Variants in ENDOG observed in about 807,000 individuals in gnomAD.
The protein encoded by ENDOG is endonuclease G.
ENDOG carries 22 observed loss-of-function variants against 22.6 expected under a neutral mutation model. The ratio of observed to expected loss-of-function variants is 0.97; its 90% CI spans 0.70 to 1.39. The LOEUF (loss-of-function observed/expected upper bound fraction) is 1.39. Among genes scored for constraint, ENDOG ranks in the 40% most tolerant of loss-of-function variants. The probability of loss-of-function intolerance (pLI) is 0.00; values close to 1 mark genes in which losing one functional copy is unlikely to be tolerated. For synonymous variants in ENDOG, 173 were observed against 200.2 expected, an observed-to-expected ratio of 0.86 and a Z score of 1.15; for missense variants, 403 against 431.3, an observed-to-expected ratio of 0.93 and a Z score of 0.58.
Position 128,819,185 on chromosome 9 carries a change from G to A in ENDOG, c.501G>A (p.Gln167=). 1 of 1,475,528 alleles carries A rather than the reference G, an allele frequency of 6.8e-7. No individual in the cohort carries two copies. 91.4% of individuals were successfully genotyped at this position (1,475,528 alleles called of 1,614,324 possible). The change falls in exon 1 of 3, where the codon CAG becomes CAA. Residue 167 remains glutamine (Q), a splice_region_variant and synonymous_variant. Transcript: ENST00000372642. ...DTFYLSNVAP[Q]VPHLNQNAWN... Reference sequence around the variant, plus strand: ...TCTACCTGAGCAACGTCGCGCCCCAGGTAGCGCCCGCGCCCCGGGCCGGTC... The same window carrying A: ...TCTACCTGAGCAACGTCGCGCCCCAAGTAGCGCCCGCGCCCCGGGCCGGTC...
chr9:128,819,008 C>T lies in ENDOG; in HGVS notation c.324C>T (p.Gly108=). ...GACCCGAGCGTCTCCGCGGCGACGG[C>T]GACCGGCGCGAGTGCGACTTCCGCG... The part of the protein sequence containing the change: ...QLRPERLRGD[G]DRRECDFRED... The change falls in exon 1 of 3, where the codon GGC becomes GGT. Residue 108 remains glycine, a synonymous_variant. Coordinates refer to ENST00000372642, the MANE Select transcript of ENDOG (RefSeq NM_004435.2). The T allele has an allele frequency of 6.7e-7, 1 of 1,483,206 alleles. No homozygotes were observed. The highest frequency in any genetic ancestry group is 8.9e-7 in the Non-Finnish European group (1 of 1,124,890). 91.9% of individuals were successfully genotyped at this position (1,483,206 alleles called of 1,614,324 possible).
intron 2 of ENDOG, chr9:128,821,844 G>A (rs962280240): frequency 2.8e-5 from 5 of 176,734 alleles, no homozygotes; most frequent in Admixed American, 5.4e-5. Flanking sequence ...TGGCCAAGGC[G>A]GTGGTTGGGG....
rs1830049696 is a variant in ENDOG at position 128,818,886 on chromosome 9, G to A, written c.202G>A (p.Gly68Arg). The A allele has an allele frequency of 2.1e-6, 3 of 1,460,880 alleles. No individual in the cohort carries two copies. Among genetic ancestry groups the A allele is most frequent in the Non-Finnish European group, 2.7e-6 (3 of 1,114,256 alleles). 90.5% of individuals were successfully genotyped at this position (1,460,880 alleles called of 1,614,324 possible). A position where few individuals can be genotyped will look rare whatever the true frequency, so the allele number is the denominator to read the frequency against. The change falls in exon 1 of 3, where the codon GGG (glycine) becomes AGG (arginine). Residue 68 changes from glycine (G) to arginine (R), a missense_variant. Gly to Arg is a moderately radical substitution (Grantham distance 125). Transcript: ENST00000372642. ...CGGCCCGGGCGAGCTGGCCAAGTACGGGCTGCCGGGGCTGGCGCAGCTCAA... is the reference window on the plus strand; with the variant it reads ...CGGCCCGGGCGAGCTGGCCAAGTACAGGCTGCCGGGGCTGGCGCAGCTCAA... ...PRGPGELAKY[G>R]LPGLAQLKSR...
In ENDOG at chr9:128,822,489, T is replaced by C; in HGVS notation, c.773T>C (p.Ile258Thr). The change falls in exon 3 of 3, where the codon ATC (isoleucine) becomes ACC (threonine). Residue 258 changes from isoleucine to threonine, a missense_variant. Ile to Thr is a moderately conservative substitution (Grantham distance 89). Coordinates refer to ENST00000372642, the MANE Select transcript of ENDOG (RefSeq NM_004435.2). ...CCCAACGCACCTGTGGATGAGGCCA[T>C]CCCACTGGAGCGCTTCCTGGTGCCC... ...VMPNAPVDEA[I>T]PLERFLVPIE... is the part of the protein sequence containing the mutation. The C allele has an allele frequency of 6.4e-7, 1 of 1,565,258 alleles. No individual in the cohort carries two copies. Among genetic ancestry groups the C allele is most frequent in the South Asian group, 1.2e-5 (1 of 85,420 alleles).
intron 1 of ENDOG, chr9:128,819,721 A>C (rs1000377291): frequency 1.9e-5 from 3 of 155,818 alleles, no homozygotes; most frequent in African/African-American, 7.2e-5. Context: ...AACTCACAGT[A>C]ATGTAGGATC....
rs1589586770 is a variant in ENDOG, at chr9:128,818,911, A to G, written c.227A>G (p.Lys76Arg). ...KYGLPGLAQLKSRESYVLCYD... is the reference protein window; with the variant it reads ...KYGLPGLAQLRSRESYVLCYD... ...GGGCTGCCGGGGCTGGCGCAGCTCA[A>G]GAGCCGCGAGTCGTACGTGCTGTGC... Residue 76 changes from lysine to arginine, a missense_variant, in exon 1 of 3, where the codon AAG becomes AGG. Transcript: ENST00000372642. The G allele has an allele frequency of 6.8e-7, 1 of 1,477,046 alleles. No individual in the cohort carries two copies. Among genetic ancestry groups the G allele is most frequent in the East Asian group, 3.0e-5 (1 of 33,738 alleles). The allele number at this position is 1,477,046 out of a possible 1,614,324, so 91.5% of individuals were successfully genotyped here.
Position 128,822,561 on chromosome 9 carries a change from T to A in ENDOG, c.845T>A (p.Ile282Asn). The A allele has an allele frequency of 6.4e-7, 1 of 1,564,172 alleles. No homozygotes were observed. The highest frequency in any genetic ancestry group is 8.7e-7 in the Non-Finnish European group (1 of 1,154,076). The change falls in exon 3 of 3, where the codon ATC becomes AAC. Residue 282 changes from isoleucine (I) to asparagine (N), a missense_variant. By Grantham distance (149) the Ile-to-Asn change is moderately radical (BLOSUM62 -3). Coordinates refer to ENST00000372642, the MANE Select transcript of ENDOG (RefSeq NM_004435.2). ...RASGLLFVPN[I>N]LARAGSLKAI... ...TCGGGGCTGCTCTTTGTGCCAAACA[T>A]CCTGGCGCGGGCAGGCAGCCTCAAG...
rs945674769 is a variant in ENDOG, at chr9:128,819,158, G to A, written c.474G>A (p.Thr158=). The A allele has an allele frequency of 4.6e-6, 7 of 1,508,982 alleles. No homozygotes were observed. The highest frequency in any genetic ancestry group is 6.2e-6 in the Non-Finnish European group (7 of 1,132,464). The allele number at this position is 1,508,982 out of a possible 1,614,324, so 93.5% of individuals were successfully genotyped here. A position where few individuals can be genotyped will look rare whatever the true frequency, so the allele number is the denominator to read the frequency against. The change falls in exon 1 of 3, where the codon ACG becomes ACA. Residue 158 remains threonine, a synonymous_variant. Coordinates refer to ENST00000372642, the MANE Select transcript of ENDOG (RefSeq NM_004435.2). ...GGAGCCAGAAGGCCATGGACGACAC[G>A]TTCTACCTGAGCAACGTCGCGCCCC... is the stretch of plus-strand genomic sequence containing the variant. The part of the protein sequence containing the change: ...HRWSQKAMDD[T]FYLSNVAPQV...
chr9:128,819,317 G>A, intron 1 of ENDOG, 132 bp downstream of exon 1: 1 of 1,313,256 alleles, frequency 7.6e-7, no homozygotes, highest in Non-Finnish European at 9.8e-7. Context: ...GTGACATCCC[G>A]TGGCGGGAGG....
chr9:128,822,004 C>G, intron 2 of ENDOG: 2 of 366,462 alleles, frequency 5.5e-6, no homozygotes, highest in Non-Finnish European at 1.0e-5. Context: ...TTGCTCACCT[C>G]TGTGGGGAGA....
intron 1 of ENDOG, 35 bp from the exon 2 acceptor site, chr9:128,820,704 G>A (rs756711819): frequency 2.9e-5 from 46 of 1,569,184 alleles, no homozygotes; most frequent in Middle Eastern, 3.3e-4. Context: ...AAGGGTCCCA[G>A]CCACAGTCCT....
rs1830055781 is a variant in ENDOG, at chr9:128,819,192, C to G, written c.501+7C>G. 1.4e-6 allele frequency: 2 copies of G among 1,468,602 alleles called. No homozygotes were observed. The highest frequency in any genetic ancestry group is 1.8e-6 in the Non-Finnish European group (2 of 1,116,542). The allele number at this position is 1,468,602 out of a possible 1,614,324, so 91.0% of individuals were successfully genotyped here. Reference sequence around the variant, plus strand: ...GAGCAACGTCGCGCCCCAGGTAGCGCCCGCGCCCCGGGCCGGTCGCGGAAT... The same window carrying G: ...GAGCAACGTCGCGCCCCAGGTAGCGGCCGCGCCCCGGGCCGGTCGCGGAAT... On this transcript the variant is annotated splice_region_variant and intron_variant, in intron 1 of 2. Transcript: ENST00000372642.
chr9:128,819,374 T>C (rs1830059550), intron 1 of ENDOG, among the ~76,000 whole-genome samples, 189 bp downstream of exon 1: 1 of 152,342 alleles, frequency 6.6e-6, no homozygotes, highest in East Asian at 1.9e-4. Context: ...CGACCAGGGC[T>C]TGAGCTTCAA....
chr9:128,821,517 A>T (rs1230844210), intron 2 of ENDOG: 1 of 154,446 alleles, frequency 6.5e-6, no homozygotes, highest in Non-Finnish European at 1.4e-5. Flanking sequence ...CGGGAGTTTG[A>T]ATCTAGATCT....
Position 128,818,808 on chromosome 9 carries a change from G to C in ENDOG, c.124G>C (p.Val42Leu), listed in dbSNP as rs1327013077. 53 of 1,278,350 alleles carry C rather than the reference G, an allele frequency of 4.1e-5. No individual in the cohort carries two copies. The highest frequency in any genetic ancestry group is 1.7e-4 in the Admixed American group (4 of 23,262). The allele number at this position is 1,278,350 out of a possible 1,614,324, so 79.2% of individuals were successfully genotyped here. The change falls in exon 1 of 3, where the codon GTG becomes CTG. Residue 42 changes from valine to leucine, a missense_variant. Val to Leu is a conservative substitution (Grantham distance 32, BLOSUM62 1). Transcript: ENST00000372642. Reference sequence around the variant, plus strand: ...GCCGGGACTGCTGGGCCGGCTGCCCGTGCTGCCCGTGGCGGCGGCAGCCGA... The same window carrying C: ...GCCGGGACTGCTGGGCCGGCTGCCCCTGCTGCCCGTGGCGGCGGCAGCCGA... ...AAPGLLGRLP[V>L]LPVAAAAELP...
rs1210098904 is a variant in ENDOG, at chr9:128,822,618, G to A, written c.*8G>A. On this transcript the variant is annotated 3_prime_UTR_variant, in exon 3 of 3. Transcript: ENST00000372642. ...ACGGCGGGCAGTAAGTGAGGGTGGA[G>A]CCCAGTGAGACTGTGGGTGTGTGCA... 6.4e-7 allele frequency: 1 copy of A among 1,565,540 alleles called. No homozygotes were observed. Among genetic ancestry groups the A allele is most frequent in the East Asian group, 2.3e-5 (1 of 42,834 alleles).
rs1830097362 is a variant in ENDOG, at chr9:128,820,817, T to G, written c.580T>G (p.Tyr194Asp). 1 of 1,611,714 alleles carries G rather than the reference T, an allele frequency of 6.2e-7. No individual in the cohort carries two copies. The highest frequency in any genetic ancestry group is 1.3e-5 in the African/African-American group (1 of 74,932). ...RSLTRSYQNV[Y>D]VCTGPLFLPR... ...CTTGACCCGCAGCTACCAAAACGTC[T>G]ATGTCTGCACAGGGCCACTCTTCCT... is the stretch of plus-strand genomic sequence containing the variant. Residue 194 changes from tyrosine to aspartate, a missense_variant, in exon 2 of 3, where the codon TAT becomes GAT. Physicochemically the swap from Tyr to Asp is radical, Grantham distance 160. Transcript: ENST00000372642.
At position 128,818,625 on chromosome 9, in the gene ENDOG, C is replaced by A. The variant is rs1830041949; in HGVS notation, c.-60C>A. ...AGCAGCCCTGTGCCCTCGTTGGATC[C>A]CGCGACGCGGCTCCTTTAAGAGCCT... is the stretch of plus-strand genomic sequence containing the variant. On this transcript the variant is annotated 5_prime_UTR_variant, in exon 1 of 3. Coordinates refer to ENST00000372642, the MANE Select transcript of ENDOG (RefSeq NM_004435.2). 1.8e-6 allele frequency: 2 copies of A among 1,115,046 alleles called. No individual in the cohort carries two copies. Among genetic ancestry groups the A allele is most frequent in the Non-Finnish European group, 2.2e-6 (2 of 913,354 alleles). The allele number at this position is 1,115,046 out of a possible 1,614,324, so 69.1% of individuals were successfully genotyped here. A position where few individuals can be genotyped will look rare whatever the true frequency, so the allele number is the denominator to read the frequency against.
rs769592927 is a variant in ENDOG, at chr9:128,818,988, G to A, written c.304G>A (p.Glu102Lys). The change falls in exon 1 of 3, where the codon GAG (glutamate) becomes AAG (lysine). Residue 102 changes from glutamate to lysine, a missense_variant. Coordinates refer to ENST00000372642, the MANE Select transcript of ENDOG (RefSeq NM_004435.2). ...ALWVVEQLRP[E>K]RLRGDGDRRE... is the part of the protein sequence containing the mutation. ...CTGGGTGGTGGAGCAGCTGCGACCC[G>A]AGCGTCTCCGCGGCGACGGCGACCG... 2 of 1,487,030 alleles carry A rather than the reference G, an allele frequency of 1.3e-6. No homozygotes were observed. The highest frequency in any genetic ancestry group is 8.9e-7 in the Non-Finnish European group (1 of 1,126,340). The allele number at this position is 1,487,030 out of a possible 1,614,324, so 92.1% of individuals were successfully genotyped here.
Sources: allele counts gnomAD v4.1 joint callset (sites outside exome capture counted in the v4.1 genomes callset), GRCh38; gene constraint gnomAD v4.1.1; transcripts MANE v1.5; gene names NCBI Gene and HGNC (gene_info 2026-07-23, HGNC 2026-07-21).